NTNG1: variants seen among roughly 807,000 people sequenced by gnomAD.
The protein encoded by NTNG1 is netrin-G1.
NTNG1 carries 16 observed loss-of-function variants against 54.0 expected under a neutral mutation model. The ratio of observed to expected loss-of-function variants is 0.30; its 90% CI spans 0.20 to 0.45. The LOEUF (loss-of-function observed/expected upper bound fraction) is 0.45, where lower values mean the gene tolerates loss of function less well. Among genes scored for constraint, NTNG1 ranks in the 20% least tolerant of loss-of-function variants. NTNG1 has a pLI of 1.00. For synonymous variants in NTNG1, 255 were observed against 263.1 expected, an observed-to-expected ratio of 0.97 and a Z score of 0.30; for missense variants, 530 against 678.7, an observed-to-expected ratio of 0.78 and a Z score of 2.43.
intron 3 of NTNG1, among the ~76,000 whole-genome samples, chr1:107,337,532 AATG>A (rs1385873572): frequency 3.3e-5 from 5 of 152,028 alleles, no homozygotes; most frequent in Admixed American, 3.3e-4. Flanking sequence ...TCCAGAGATG[AATG>A]ATGATGATGG....
chr1:107,266,874 A>G lies in NTNG1; in HGVS notation c.247-57408A>G, dbSNP rs551698448. Among the ~76,000 whole-genome samples, 5 of 152,190 alleles carry G rather than the reference A, an allele frequency of 3.3e-5. No individual in the cohort carries two copies. The East Asian group carries it at 5.8e-4, about 18-fold the overall frequency. On this transcript the variant is annotated intron_variant, in intron 2 of 7. Transcript: ENST00000370068. ...TCCCTGAACATGTTCAGTGAAAACT[A>G]TTGGTTTATCTAAAGTTTTAAGCTG...
At chr1:107,178,005 C>G (rs1453192450) in intron 2 of NTNG1, among the ~76,000 whole-genome samples, 1 of 152,138 alleles carries the variant, frequency 6.6e-6, no homozygotes, top group Non-Finnish European at 1.5e-5. Context: ...TTCTTCACCT[C>G]TTCCATATCC....
chr1:107,199,177 A>G (rs1399487368), intron 2 of NTNG1, among the ~76,000 whole-genome samples: 1 of 151,868 alleles, frequency 6.6e-6, no homozygotes, highest in Non-Finnish European at 1.5e-5. Flanking sequence ...TATATTCTAT[A>G]TATCATTTTA....
rs185458378 is a variant in NTNG1, at chr1:107,413,201, C to T, written c.1087+5493C>T. On this transcript the variant is annotated intron_variant, in intron 5 of 7. Coordinates refer to ENST00000370068, the MANE Select transcript of NTNG1 (RefSeq NM_001113226.3). ...TTTCTGAGATGGAGTCTCACTCTGT[C>T]ACCCAGGCTGGAGTGCAGTGACGCA... is the stretch of plus-strand genomic sequence containing the variant. 8.0e-4 allele frequency among the ~76,000 whole-genome samples: 120 copies of T among 149,100 alleles called. No homozygotes were observed. The South Asian group carries it at 0.014, about 17-fold the overall frequency.
intron 2 of NTNG1, among the ~76,000 whole-genome samples, chr1:107,292,946 T>C (rs538663152): frequency 6.7e-6 from 1 of 149,278 alleles, no homozygotes; most frequent in Non-Finnish European, 1.5e-5. Flanking sequence ...CTTCCACTCC[T>C]GCTCTAAAAC....
chr1:107,376,713 A>T (rs933693809), intron 3 of NTNG1, among the ~76,000 whole-genome samples: 3 of 152,138 alleles, frequency 2.0e-5, no homozygotes, highest in Admixed American at 6.5e-5. Flanking sequence ...ATGACATGGA[A>T]ATTTTTAACC....
chr1:107,437,886 A>G (rs971084764), intron 7 of NTNG1, among the ~76,000 whole-genome samples: 2 of 152,162 alleles, frequency 1.3e-5, no homozygotes, highest in Non-Finnish European at 2.9e-5. Flanking sequence ...ACATGTGTCT[A>G]CCATATTGGA....
intron 4 of NTNG1, among the ~76,000 whole-genome samples, chr1:107,397,134 A>C (rs2101097518): frequency 6.6e-6 from 1 of 152,270 alleles, no homozygotes; most frequent in South Asian, 2.1e-4. Context: ...AACTTCTTTC[A>C]GTTTTCCTTG....
chr1:107,344,052 GA>G (rs202046246), intron 3 of NTNG1, among the ~76,000 whole-genome samples: 116 of 146,246 alleles, frequency 7.9e-4, no homozygotes, highest in African/African-American at 2.4e-3. Context: ...TTGGAGTCTA[GA>G]AAAAAAAAAA....
In NTNG1 at chr1:107,377,295, T is replaced by C. The variant is rs546273858; in HGVS notation, c.888-17859T>C. On this transcript the variant is annotated intron_variant, in intron 3 of 7. Transcript: ENST00000370068. ...TGATGTGGCCAGGAACGGAGGATTA[T>C]CTCAGTCACCACCACACCTCCAAGC... Among the ~76,000 whole-genome samples, 9 of 152,272 alleles carry C rather than the reference T, an allele frequency of 5.9e-5. No individual in the cohort carries two copies. The South Asian group carries it at 1.0e-3, about 18-fold the overall frequency.
intron 2 of NTNG1, among the ~76,000 whole-genome samples, chr1:107,302,641 G>A (rs1459556326): frequency 6.7e-6 from 1 of 149,888 alleles, no homozygotes; most frequent in African/African-American, 2.4e-5. Flanking sequence ...TAGTACAGTT[G>A]AAAAATAATA....
chr1:107,458,426 TTTTCAATGAAG>T (rs1300256448), intron 7 of NTNG1, among the ~76,000 whole-genome samples: 1 of 152,136 alleles, frequency 6.6e-6, no homozygotes, highest in Non-Finnish European at 1.5e-5. Context: ...GGCAAAATTA[TTTTCAATGAAG>T]TTTCAATTTC....
chr1:107,476,511 T>G (rs1449486794), intron 7 of NTNG1, among the ~76,000 whole-genome samples: 3 of 152,244 alleles, frequency 2.0e-5, no homozygotes, highest in Non-Finnish European at 2.9e-5. Context: ...CTCTCTCTCC[T>G]GACCAAACTC....
At chr1:107,202,752 C>T (rs1250129530) in intron 2 of NTNG1, among the ~76,000 whole-genome samples, 1 of 151,884 alleles carries the variant, frequency 6.6e-6, no homozygotes, top group Non-Finnish European at 1.5e-5. Flanking sequence ...TCACCACAAT[C>T]AGAATTCTAA....
chr1:107,190,478 C>G (rs1657821395), intron 2 of NTNG1, among the ~76,000 whole-genome samples: 1 of 151,950 alleles, frequency 6.6e-6, no homozygotes, highest in Non-Finnish European at 1.5e-5. Flanking sequence ...GCACAACGTG[C>G]AGGTTTGTTA....
chr1:107,365,391 A>G (rs1170781202), intron 3 of NTNG1, among the ~76,000 whole-genome samples: 1 of 152,236 alleles, frequency 6.6e-6, no homozygotes, highest in Admixed American at 6.5e-5. Flanking sequence ...TACTGATGGT[A>G]CGCATTAATC....
chr1:107,394,788 T>C (rs1449920807), intron 3 of NTNG1, among the ~76,000 whole-genome samples: 1 of 152,182 alleles, frequency 6.6e-6, no homozygotes, highest in Non-Finnish European at 1.5e-5. Context: ...CAGATGAAAT[T>C]GTCATAGATC....
At chr1:107,165,864 A>G (rs374548066) in intron 2 of NTNG1, among the ~76,000 whole-genome samples, 2 of 152,068 alleles carry the variant, frequency 1.3e-5, no homozygotes, top group East Asian at 3.9e-4. Context: ...GTTTTGTGGG[A>G]GTATTTAGTG....
chr1:107,379,324 C>G (rs958227716), intron 3 of NTNG1, among the ~76,000 whole-genome samples: 1 of 152,158 alleles, frequency 6.6e-6, no homozygotes, highest in East Asian at 1.9e-4. Flanking sequence ...TTGTAAAGAC[C>G]TATAAGACTT....
Sources: allele counts gnomAD v4.1 joint callset (sites outside exome capture counted in the v4.1 genomes callset), GRCh38; gene constraint gnomAD v4.1.1; transcripts MANE v1.5; gene names NCBI Gene and HGNC (gene_info 2026-07-23, HGNC 2026-07-21).